Variants in DNAAF4 observed in about 807,000 individuals in gnomAD.
DNAAF4 encodes dynein assembly factor 4, axonemal.
In DNAAF4, 43 loss-of-function variants were observed where a neutral mutation model predicts 51.8. The ratio of observed to expected loss-of-function variants is 0.83; its 90% CI spans 0.65 to 1.07. DNAAF4 has a LOEUF of 1.07. Among genes scored for constraint, DNAAF4 ranks in the 50% least tolerant of loss-of-function variants. The pLI is 0.00. For synonymous variants in DNAAF4, 194 were observed against 165.6 expected (o/e 1.17, Z -1.32); for missense variants, 581 against 493.0 (o/e 1.18, Z -1.69).
At chr15:55,432,728 C>A in intron 8 of DNAAF4, 126 bp from the exon 9 acceptor site, 1 of 691,096 alleles carries the variant, frequency 1.4e-6, no homozygotes, top group Non-Finnish European at 2.3e-6. Context: ...GGTGGATCAC[C>A]TGAAGTCAGG....
chr15:55,417,999 G>A (rs961687936), exon 8 of DNAAF4: 11 of 813,680 alleles, frequency 1.4e-5, no homozygotes, highest in Admixed American at 9.7e-5. Context: ...GGCAGGAACC[G>A]GCCATTTTCA....
intron 9 of DNAAF4, 147 bp from the exon 10 acceptor site, chr15:55,430,926 T>C: frequency 1.6e-6 from 1 of 608,366 alleles, no homozygotes; most frequent in Non-Finnish European, 2.6e-6. Flanking sequence ...CCCATCTTTT[T>C]TTTTTGAGAC....
Position 55,449,000 on chromosome 15 carries a change from T to A in DNAAF4, c.783+1222A>T, listed in dbSNP as rs181653203. On this transcript the variant is annotated intron_variant, in intron 6 of 9. Transcript: ENST00000321149. ...TCATTATGTCTTTTATTTTTTATTTTTTTTTTTGAGACAGAGTTTCACTCT... is the reference window on the plus strand; with the variant it reads ...TCATTATGTCTTTTATTTTTTATTTATTTTTTTGAGACAGAGTTTCACTCT... 4.2e-3 allele frequency among the ~76,000 whole-genome samples: 631 copies of A among 151,668 alleles called. 7 individuals carry two copies. The highest frequency in any genetic ancestry group is 0.014 in the African/African-American group (586 of 41,412).
At chr15:55,502,067 G>T (rs992900028) in intron 1 of DNAAF4, among the ~76,000 whole-genome samples, 4 of 151,850 alleles carry the variant, frequency 2.6e-5, no homozygotes, top group African/African-American at 4.8e-5. Flanking sequence ...AAAAGAAGTG[G>T]TGCTCACCAA....
At chr15:55,456,667 A>G (rs191233586) in intron 5 of DNAAF4, among the ~76,000 whole-genome samples, 27 of 152,348 alleles carry the variant, frequency 1.8e-4, no homozygotes, top group Non-Finnish European at 3.5e-4. Context: ...AAATGCCATG[A>G]AACAGCTGAA....
At chr15:55,465,421 C>CACACAG (rs2058156352) in intron 5 of DNAAF4, among the ~76,000 whole-genome samples, 2 of 151,532 alleles carry the variant, frequency 1.3e-5, no homozygotes, top group South Asian at 2.1e-4. Context: ...CACACACACA[C>CACACAG]AGACACACAT....
chr15:55,433,882 T>TA (rs2057546090), intron 8 of DNAAF4, among the ~76,000 whole-genome samples: 1 of 34,058 alleles, frequency 2.9e-5, no homozygotes, highest in Admixed American at 5.4e-4. Context: ...ATATTACATA[T>TA]ATTATATATA....
At chr15:55,441,996 A>G (rs2057721671) in intron 6 of DNAAF4, among the ~76,000 whole-genome samples, 1 of 152,178 alleles carries the variant, frequency 6.6e-6, no homozygotes, top group South Asian at 2.1e-4. Flanking sequence ...CTTCCCTGCC[A>G]TGTATTTATT....
intron 3 of DNAAF4, among the ~76,000 whole-genome samples, chr15:55,495,702 C>T (rs1395159672): frequency 6.6e-6 from 1 of 152,054 alleles, no homozygotes; most frequent in Non-Finnish European, 1.5e-5. Context: ...ACCAACCGCA[C>T]TCCAGCGTTG....
rs902229296 is a variant in DNAAF4 at position 55,451,537 on chromosome 15, A to G, written c.638-1170T>C. Among the ~76,000 whole-genome samples, 7 of 152,176 alleles carry G rather than the reference A, an allele frequency of 4.6e-5. 1 individual carries two copies. ...AGAGAAATAACATTAAGAAACCAGG[A>G]GTGGGGAATTTGAGAGCAAAATGAA... On this transcript the variant is annotated intron_variant, in intron 5 of 9. Coordinates refer to ENST00000321149, the MANE Select transcript of DNAAF4 (RefSeq NM_130810.4).
chr15:55,492,781 G>A (rs528881930), intron 3 of DNAAF4, among the ~76,000 whole-genome samples: 21 of 152,052 alleles, frequency 1.4e-4, no homozygotes, highest in Admixed American at 1.0e-3. Context: ...CTTGTGATCC[G>A]CCTGCCTTGG....
rs1265211435 is a variant in DNAAF4 at position 55,430,521 on chromosome 15, AT to A, written c.*148del. The A allele has an allele frequency of 1.6e-6, 2 of 1,249,314 alleles. No homozygotes were observed. The highest frequency in any genetic ancestry group is 3.1e-5 in the African/African-American group (2 of 64,838). 77.4% of individuals were successfully genotyped at this position (1,249,314 alleles called of 1,614,324 possible). A position where few individuals can be genotyped will look rare whatever the true frequency, so the allele number is the denominator to read the frequency against. Reference sequence around the variant, plus strand: ...AGAAATGATTCAAGTCAAACAGTTTATTTTCTATAGATTTATAATATTTTGC... The same window carrying A: ...AGAAATGATTCAAGTCAAACAGTTTATTTCTATAGATTTATAATATTTTGC... On this transcript the variant is annotated 3_prime_UTR_variant, in exon 10 of 10. Coordinates refer to ENST00000321149, the MANE Select transcript of DNAAF4 (RefSeq NM_130810.4).
intron 6 of DNAAF4, chr15:55,443,111 T>G: frequency 6.2e-7 from 1 of 1,610,462 alleles, no homozygotes; most frequent in Non-Finnish European, 8.5e-7. Flanking sequence ...TCAGTAGGTG[T>G]ACGTTTATAT....
At chr15:55,507,430 T>C (rs1340312879) in intron 1 of DNAAF4, among the ~76,000 whole-genome samples, 1 of 152,180 alleles carries the variant, frequency 6.6e-6, no homozygotes, top group East Asian at 1.9e-4. Flanking sequence ...GTGTCTAATA[T>C]ACCCTGTAAT....
chr15:55,501,523 C>T (rs532618415), intron 1 of DNAAF4, among the ~76,000 whole-genome samples: 300 of 149,986 alleles, frequency 2.0e-3, no homozygotes, highest in African/African-American at 6.9e-3. Context: ...CTACAGGTGC[C>T]CGCCACCGCA....
chr15:55,460,230 G>A (rs928288962), intron 5 of DNAAF4, among the ~76,000 whole-genome samples: 7 of 149,442 alleles, frequency 4.7e-5, no homozygotes, highest in Admixed American at 2.7e-4. Flanking sequence ...GCCCAGGCTG[G>A]AGTGCCGTGG....
chr15:55,418,999 C>T (rs940630179), intron 7 of DNAAF4, among the ~76,000 whole-genome samples: 6 of 150,102 alleles, frequency 4.0e-5, no homozygotes, highest in Non-Finnish European at 5.9e-5. Flanking sequence ...TCACTGCGAC[C>T]TCCGCCTCCC....
intron 6 of DNAAF4, among the ~76,000 whole-genome samples, 177 bp downstream of exon 6, chr15:55,450,045 C>T (rs1224900210): frequency 6.6e-6 from 1 of 151,916 alleles, no homozygotes; most frequent in Non-Finnish European, 1.5e-5. Flanking sequence ...TATTCTGGAG[C>T]CAAAAACATC....
At chr15:55,499,838 G>A (rs548720083) in intron 1 of DNAAF4, among the ~76,000 whole-genome samples, 1 of 152,288 alleles carries the variant, frequency 6.6e-6, no homozygotes, top group South Asian at 2.1e-4. Context: ...TAAGGAATCT[G>A]AAACCTATAC....
Sources: gnomAD v4.1 joint callset for allele counts (sites outside exome capture counted in the v4.1 genomes callset) on GRCh38, gnomAD v4.1.1 for gene constraint, MANE v1.5 for transcripts, NCBI Gene and HGNC (gene_info 2026-07-23, HGNC 2026-07-21) for gene names.